Variants in PLCL2 observed in about 807,000 individuals in gnomAD.
The protein encoded by PLCL2 is phospholipase C like 2, also known as inactive phospholipase C-like protein 2.
PLCL2 carries 4 observed loss-of-function variants against 79.6 expected under a neutral mutation model. That is an observed-to-expected ratio of 0.05 (90% CI 0.02 to 0.11). PLCL2 has a LOEUF of 0.11. Among genes scored for constraint, PLCL2 ranks in the 10% least tolerant of loss-of-function variants. The pLI is 1.00. For synonymous variants in PLCL2, 484 were observed against 457.7 expected (o/e 1.06, Z -0.73); for missense variants, 895 against 1,291.0 (o/e 0.69, Z 4.70).
intron 5 of PLCL2, among the ~76,000 whole-genome samples, chr3:17,079,593 C>T (rs768196591): frequency 5.4e-4 from 82 of 152,214 alleles, no homozygotes; most frequent in Non-Finnish European, 7.3e-4. Flanking sequence ...CTGGGCCTGC[C>T]GCCGTCCTTT....
At chr3:16,919,744 C>A (rs1697079370) in intron 1 of PLCL2, among the ~76,000 whole-genome samples, 1 of 152,018 alleles carries the variant, frequency 6.6e-6, no homozygotes, top group African/African-American at 2.4e-5. Flanking sequence ...GTTGAGGGGA[C>A]ACCTGTTTTC....
intron 3 of PLCL2, among the ~76,000 whole-genome samples, chr3:17,015,255 T>C (rs2064371626): frequency 6.6e-6 from 1 of 152,190 alleles, no homozygotes; most frequent in African/African-American, 2.4e-5. Flanking sequence ...ATTATTTGTT[T>C]TCATTTTATT....
intron 1 of PLCL2, among the ~76,000 whole-genome samples, chr3:16,986,087 A>G (rs1052282368): frequency 1.3e-5 from 2 of 152,228 alleles, no homozygotes; most frequent in Middle Eastern, 6.8e-3. Flanking sequence ...ATGAACAGGC[A>G]CAAGGAGCTG....
At chr3:17,015,900 G>T (rs1575588340) in intron 3 of PLCL2, among the ~76,000 whole-genome samples, 1 of 152,194 alleles carries the variant, frequency 6.6e-6, no homozygotes, top group African/African-American at 2.4e-5. Context: ...GAAAAAAGAC[G>T]TTGGGCCAGC....
Position 17,090,100 on chromosome 3 carries a change from C to CT in PLCL2, c.*191dup. 7.7e-7 allele frequency: 1 copy of CT among 1,298,866 alleles called. No homozygotes were observed. The highest frequency in any genetic ancestry group is 9.8e-7 in the Non-Finnish European group (1 of 1,024,216). 80.5% of individuals were successfully genotyped at this position (1,298,866 alleles called of 1,614,324 possible). A position where few individuals can be genotyped will look rare whatever the true frequency, so the allele number is the denominator to read the frequency against. ...TCCTGCGTGTGAAGGCAAATAAACT[C>CT]TTTAACAGGCAATTATATTGCTGGC... On this transcript the variant is annotated 3_prime_UTR_variant, in exon 6 of 6. Coordinates refer to ENST00000615277, the MANE Select transcript of PLCL2 (RefSeq NM_001144382.2).
At chr3:17,046,083 G>A (rs989014728) in intron 4 of PLCL2, among the ~76,000 whole-genome samples, 15 of 152,092 alleles carry the variant, frequency 9.9e-5, no homozygotes, top group Non-Finnish European at 1.9e-4. Context: ...AGTCTGGGCC[G>A]CCATGGGAGT....
intron 1 of PLCL2, among the ~76,000 whole-genome samples, chr3:16,957,471 G>C (rs1443279862): frequency 6.6e-6 from 1 of 152,166 alleles, no homozygotes; most frequent in African/African-American, 2.4e-5. Flanking sequence ...TTTTGGAATA[G>C]GTGTGGTGTG....
chr3:16,897,042 A>T (rs1220452497), intron 1 of PLCL2, among the ~76,000 whole-genome samples: 1 of 152,144 alleles, frequency 6.6e-6, no homozygotes, highest in African/African-American at 2.4e-5. Context: ...GAGAGAACAA[A>T]CAGCTCCCGG....
intron 1 of PLCL2, among the ~76,000 whole-genome samples, chr3:16,951,264 C>G (rs997663230): frequency 4.6e-5 from 7 of 151,816 alleles, no homozygotes; most frequent in Non-Finnish European, 7.4e-5. Flanking sequence ...TTTGGATATC[C>G]ATCTCAGTGG....
At chr3:16,918,877 A>G (rs1464506298) in intron 1 of PLCL2, among the ~76,000 whole-genome samples, 1 of 152,320 alleles carries the variant, frequency 6.6e-6, no homozygotes, top group East Asian at 1.9e-4. Context: ...CATTCAGCTA[A>G]GTTTCAGAAA....
At chr3:16,957,105 T>G (rs1486941650) in intron 1 of PLCL2, among the ~76,000 whole-genome samples, 1 of 152,178 alleles carries the variant, frequency 6.6e-6, no homozygotes, top group African/African-American at 2.4e-5. Context: ...TTTCTAGTTC[T>G]TTTAATTGTG....
At chr3:16,990,930 C>T (rs544193525) in intron 1 of PLCL2, among the ~76,000 whole-genome samples, 30 of 152,184 alleles carry the variant, frequency 2.0e-4, no homozygotes, top group Admixed American at 1.1e-3. Flanking sequence ...TTGTCAACAG[C>T]AGATAACTAT....
At chr3:17,066,312 C>A (rs1456489804) in intron 4 of PLCL2, among the ~76,000 whole-genome samples, 1 of 152,096 alleles carries the variant, frequency 6.6e-6, no homozygotes, top group Non-Finnish European at 1.5e-5. Context: ...ACCTTATTAG[C>A]ATAACAGGAA....
chr3:17,073,810 T>C (rs2065085175), intron 5 of PLCL2, among the ~76,000 whole-genome samples: 1 of 152,230 alleles, frequency 6.6e-6, no homozygotes, highest in East Asian at 1.9e-4. Context: ...CATTACAGTT[T>C]TATGATGAGA....
chr3:16,922,736 A>G (rs1697152127), intron 1 of PLCL2, among the ~76,000 whole-genome samples: 2 of 149,930 alleles, frequency 1.3e-5, no homozygotes, highest in Middle Eastern at 3.2e-3. Flanking sequence ...AATATTATTA[A>G]GAAAAAATAT....
chr3:17,022,940 C>T (rs2064472008), intron 3 of PLCL2, among the ~76,000 whole-genome samples: 1 of 152,186 alleles, frequency 6.6e-6, no homozygotes, highest in South Asian at 2.1e-4. Context: ...ATGCTAAGCT[C>T]TTTAGGTAAA....
In PLCL2 at chr3:16,904,565, GA is replaced by G. The variant is rs770663001; in HGVS notation, c.327+19201del. ...GATGTGTATGCTGCTGAAAAAGTAG[GA>G]ATGCTTTTACCCAGCTGCCATCCTG... On this transcript the variant is annotated intron_variant, in intron 1 of 5. Coordinates refer to ENST00000615277, the MANE Select transcript of PLCL2 (RefSeq NM_001144382.2). Among the ~76,000 whole-genome samples the G allele has an allele frequency of 4.6e-5, 7 of 152,204 alleles. 1 individual carries two copies.
chr3:17,019,124 G>A (rs1051041294), intron 3 of PLCL2, among the ~76,000 whole-genome samples: 1 of 152,122 alleles, frequency 6.6e-6, no homozygotes, highest in Non-Finnish European at 1.5e-5. Context: ...GTGAAACATC[G>A]GCCTTGAACT....
chr3:16,893,005 C>A (rs1696387108), intron 1 of PLCL2, among the ~76,000 whole-genome samples: 1 of 152,166 alleles, frequency 6.6e-6, no homozygotes, highest in Admixed American at 6.5e-5. Context: ...ACTTCTTGAT[C>A]TTAGCAGTTT....
Sources: gnomAD v4.1 joint callset for allele counts (sites outside exome capture counted in the v4.1 genomes callset) on GRCh38, gnomAD v4.1.1 for gene constraint, MANE v1.5 for transcripts, NCBI Gene and HGNC (gene_info 2026-07-23, HGNC 2026-07-21) for gene names.